The following ARNT2 variants were observed in gnomAD, a reference collection of about 807,000 sequenced individuals.
ARNT2 encodes ARNT protein 2.
Under a neutral mutation model 91.7 loss-of-function variants are expected in ARNT2, and 36 were observed. The observed-to-expected ratio is 0.39, with a 90% CI of 0.30 to 0.52. The LOEUF (loss-of-function observed/expected upper bound fraction) is 0.52, where lower values mean the gene tolerates loss of function less well. Among genes scored for constraint, ARNT2 ranks in the 20% least tolerant of loss-of-function variants. The pLI, the probability that ARNT2 is intolerant of heterozygous loss-of-function variation, is 0.72. For synonymous variants in ARNT2, 365 were observed against 347.1 expected (o/e 1.05, Z -0.57); for missense variants, 775 against 939.3 (o/e 0.83, Z 2.29).
intron 5 of ARNT2, among the ~76,000 whole-genome samples, chr15:80,495,371 A>G (rs1170877299): frequency 6.6e-6 from 1 of 152,208 alleles, no homozygotes; most frequent in African/African-American, 2.4e-5. Flanking sequence ...CTCAGGTTCC[A>G]AGTTGAGGTG....
chr15:80,422,873 A>G (rs1452289723), intron 1 of ARNT2, among the ~76,000 whole-genome samples: 1 of 152,214 alleles, frequency 6.6e-6, no homozygotes, highest in Non-Finnish European at 1.5e-5. Context: ...CTGGATTTAC[A>G]TATACCAAAA....
chr15:80,587,942 C>G (rs1470756599), intron 17 of ARNT2, among the ~76,000 whole-genome samples: 2 of 152,176 alleles, frequency 1.3e-5, no homozygotes, highest in Non-Finnish European at 2.9e-5. Context: ...ATGCCAACAT[C>G]CAGAACATGG....
intron 5 of ARNT2, among the ~76,000 whole-genome samples, chr15:80,494,198 G>A (rs1477199856): frequency 6.6e-6 from 1 of 152,214 alleles, no homozygotes. Context: ...CAGGTGTGCT[G>A]TGCTGTTTTT....
chr15:80,531,207 T>A (rs943486164), intron 8 of ARNT2, among the ~76,000 whole-genome samples: 2 of 152,342 alleles, frequency 1.3e-5, no homozygotes, highest in African/African-American at 4.8e-5. Flanking sequence ...CCCAGTGTTG[T>A]TGAAAAACTG....
Position 80,580,429 on chromosome 15 carries a change from G to A in ARNT2, c.1632G>A (p.Val544=), listed in dbSNP as rs965711208. The change falls in exon 16 of 19, where the codon GTG becomes GTA. Residue 544 remains valine, a synonymous_variant. Transcript: ENST00000303329. The part of the protein sequence containing the change: ...GKAFSSSVVH[V]PGVNDIQSSS... ...TTTCTAGCTCTTCAGTGGTTCATGT[G>A]CCTGGAGTGAATGATATTCAGTCCT... is the stretch of plus-strand genomic sequence containing the variant. 1.2e-6 allele frequency: 2 copies of A among 1,614,160 alleles called. No individual in the cohort carries two copies. Among genetic ancestry groups the A allele is most frequent in the Middle Eastern group, 1.7e-4 (1 of 6,054 alleles).
chr15:80,426,694 TA>T (rs1490066098), intron 1 of ARNT2, among the ~76,000 whole-genome samples: 2 of 152,176 alleles, frequency 1.3e-5, no homozygotes, highest in Admixed American at 1.3e-4. Context: ...TTTCATGAAT[TA>T]AAAATATCCT....
intron 4 of ARNT2, among the ~76,000 whole-genome samples, chr15:80,472,595 G>A (rs1017420093): frequency 2.6e-5 from 4 of 152,158 alleles, no homozygotes; most frequent in South Asian, 2.1e-4. Context: ...GGGAGCCCTC[G>A]CTTGGCAGAT....
At chr15:80,568,530 C>T (rs1267894055) in intron 12 of ARNT2, among the ~76,000 whole-genome samples, 1 of 152,204 alleles carries the variant, frequency 6.6e-6, no homozygotes, top group East Asian at 1.9e-4. Flanking sequence ...ACGTCTCCTT[C>T]GTCATGCTTA....
intron 1 of ARNT2, among the ~76,000 whole-genome samples, chr15:80,407,221 C>T (rs1895613870): frequency 6.6e-6 from 1 of 152,216 alleles, no homozygotes; most frequent in Non-Finnish European, 1.5e-5. Context: ...CAGTCACCTC[C>T]CCACGCCCCC....
chr15:80,589,736 C>T (rs193051900), intron 17 of ARNT2, among the ~76,000 whole-genome samples: 326 of 152,330 alleles, frequency 2.1e-3, no homozygotes, highest in Non-Finnish European at 3.3e-3. Flanking sequence ...ACCCAGCCTT[C>T]CCTCTGCTAA....
At chr15:80,413,587 C>A (rs571290000) in intron 1 of ARNT2, among the ~76,000 whole-genome samples, 3 of 152,190 alleles carry the variant, frequency 2.0e-5, no homozygotes, top group Non-Finnish European at 2.9e-5. Flanking sequence ...CTTCCAACAA[C>A]TCTAAAAAAG....
At chr15:80,487,597 G>A (rs1281060386) in intron 5 of ARNT2, 1 of 152,270 alleles carries the variant, frequency 6.6e-6, no homozygotes, top group Non-Finnish European at 1.5e-5. Flanking sequence ...TCAGTTTCCA[G>A]ATGTTGGACT....
At chr15:80,458,040 T>A in intron 3 of ARNT2, 64 bp downstream of exon 3, 1 of 1,525,260 alleles carries the variant, frequency 6.6e-7, no homozygotes, top group Non-Finnish European at 9.1e-7. Context: ...CTTAGAAAGA[T>A]ACAAGAATGT....
intron 7 of ARNT2, 146 bp from the exon 8 acceptor site, chr15:80,514,174 G>A (rs544543016): frequency 2.4e-5 from 24 of 981,462 alleles, no homozygotes; most frequent in African/African-American, 2.1e-4. Flanking sequence ...CCATGTGGGA[G>A]GAAGGAACAC....
chr15:80,496,124 C>G (rs1274084806), intron 5 of ARNT2, among the ~76,000 whole-genome samples: 2 of 152,052 alleles, frequency 1.3e-5, no homozygotes, highest in African/African-American at 2.4e-5. Flanking sequence ...TTTATAGATT[C>G]TTGCTCTCTA....
intron 3 of ARNT2, among the ~76,000 whole-genome samples, chr15:80,463,399 C>T (rs1410168529): frequency 6.6e-6 from 1 of 152,088 alleles, no homozygotes; most frequent in Non-Finnish European, 1.5e-5. Context: ...TCATATGAAC[C>T]AGACAAGTGT....
intron 17 of ARNT2, among the ~76,000 whole-genome samples, chr15:80,587,374 C>T (rs1893192444): frequency 6.6e-6 from 1 of 151,894 alleles, no homozygotes; most frequent in Non-Finnish European, 1.5e-5. Flanking sequence ...ACAAGTGTTT[C>T]CAGACATTGT....
intron 3 of ARNT2, among the ~76,000 whole-genome samples, chr15:80,468,136 G>A (rs1291823474): frequency 6.6e-6 from 1 of 152,120 alleles, no homozygotes; most frequent in Non-Finnish European, 1.5e-5. Flanking sequence ...GAGTGGCTGT[G>A]CTCTGTGGAC....
intron 5 of ARNT2, among the ~76,000 whole-genome samples, chr15:80,486,917 A>G (rs1896984460): frequency 6.6e-6 from 1 of 152,274 alleles, no homozygotes; most frequent in Admixed American, 6.5e-5. Flanking sequence ...GCCTTGCTGT[A>G]TCGATTCCTC....
Sources: gnomAD v4.1 joint callset for allele counts (sites outside exome capture counted in the v4.1 genomes callset) on GRCh38, gnomAD v4.1.1 for gene constraint, MANE v1.5 for transcripts, NCBI Gene and HGNC (gene_info 2026-07-23, HGNC 2026-07-21) for gene names.